The following COL4A6 variants were observed in gnomAD, a reference collection of about 807,000 sequenced individuals.
COL4A6 encodes the protein collagen type IV alpha 6 chain, also known as collagen alpha-6(IV) chain.
COL4A6 carries 59 observed loss-of-function variants against 126.7 expected under a neutral mutation model. The ratio of observed to expected loss-of-function variants is 0.47; its 90% confidence interval spans 0.38 to 0.58. The LOEUF is 0.58. Among genes scored for constraint, COL4A6 ranks in the 20% least tolerant of loss-of-function variants. The pLI, the probability that COL4A6 is intolerant of heterozygous loss-of-function variation, is 0.00. For synonymous variants in COL4A6, 547 were observed against 496.6 expected (o/e 1.10, Z -1.35); for missense variants, 1,285 against 1,337.3 (o/e 0.96, Z 0.61).
intron 7 of COL4A6, 36 bp downstream of exon 7, chrX:108,211,636 A>G: frequency 8.5e-7 from 1 of 1,178,193 alleles, no homozygotes; most frequent in Non-Finnish European, 1.2e-6. Context: ...AACCCAGCTT[A>G]TAGCCTACTC....
chrX:108,307,442 A>T (rs1161231187), intron 3 of COL4A6, among the ~76,000 whole-genome samples: 1 of 112,403 alleles, frequency 8.9e-6, no homozygotes, highest in African/African-American at 3.2e-5. Flanking sequence ...TTTACCAGGC[A>T]GGGCATACCT....
At chrX:108,183,360 G>A (rs901839450) in intron 23 of COL4A6, among the ~76,000 whole-genome samples, 2 of 112,126 alleles carry the variant, frequency 1.8e-5, no homozygotes, top group African/African-American at 6.5e-5. Context: ...GTTCAGACAT[G>A]TGTGGATCCT....
At chrX:108,178,990 C>T (rs1451098638) in intron 26 of COL4A6, 145 bp from the exon 27 acceptor site, 10 of 775,612 alleles carry the variant, frequency 1.3e-5, no homozygotes, top group African/African-American at 2.1e-5. Context: ...CCAGTCTTTG[C>T]AAGAAATTTG....
At chrX:108,406,786 C>T (rs1312929910) in intron 2 of COL4A6, among the ~76,000 whole-genome samples, 1 of 111,893 alleles carries the variant, frequency 8.9e-6, no homozygotes, top group Non-Finnish European at 1.9e-5. Flanking sequence ...TGCTTCACTG[C>T]TCTGTGCTTT....
intron 2 of COL4A6, among the ~76,000 whole-genome samples, chrX:108,343,412 T>A (rs112845524): frequency 9.1e-6 from 1 of 110,142 alleles, no homozygotes; most frequent in Non-Finnish European, 1.9e-5. Context: ...TATTTTTGGT[T>A]GGATGGAATG....
At chrX:108,375,788 T>A (rs766540376) in intron 2 of COL4A6, among the ~76,000 whole-genome samples, 3 of 109,447 alleles carry the variant, frequency 2.7e-5, no homozygotes, top group Admixed American at 9.8e-5. Context: ...AACAGATGAG[T>A]AACCTAATTT....
intron 2 of COL4A6, among the ~76,000 whole-genome samples, chrX:108,316,168 C>T (rs2038876585): frequency 8.9e-6 from 1 of 111,987 alleles, no homozygotes; most frequent in African/African-American, 3.2e-5. Flanking sequence ...GGCCAGTTAT[C>T]TTTGTGAGCA....
intron 3 of COL4A6, among the ~76,000 whole-genome samples, chrX:108,223,380 T>C (rs760854535): frequency 9.0e-6 from 1 of 111,661 alleles, no homozygotes; most frequent in East Asian, 2.8e-4. Flanking sequence ...GAAGTATAAT[T>C]TTTTTAAAAA....
At chrX:108,434,656 A>C (rs1218015869) in intron 2 of COL4A6, among the ~76,000 whole-genome samples, 3 of 110,101 alleles carry the variant, frequency 2.7e-5, no homozygotes, top group African/African-American at 9.9e-5. Flanking sequence ...AATTTCACCT[A>C]TAAATAATGT....
At chrX:108,175,540 T>G in intron 29 of COL4A6, 114 bp downstream of exon 29, 1 of 904,984 alleles carries the variant, frequency 1.1e-6, no homozygotes, top group East Asian at 3.2e-5. Flanking sequence ...AAGCCCAAAT[T>G]TTTATTATCT....
At chrX:108,277,343 C>T (rs1463274291) in intron 3 of COL4A6, among the ~76,000 whole-genome samples, 3 of 112,071 alleles carry the variant, frequency 2.7e-5, no homozygotes, top group African/African-American at 9.7e-5. Flanking sequence ...TTATATCCCG[C>T]ACATGGCTCA....
intron 8 of COL4A6, 54 bp downstream of exon 8, chrX:108,209,915 C>T: frequency 8.6e-7 from 1 of 1,168,721 alleles, no homozygotes; most frequent in Admixed American, 2.3e-5. Flanking sequence ...CGAAAATGCA[C>T]CATTAGTGAT....
chrX:108,335,128 G>T (rs772525514), intron 2 of COL4A6, among the ~76,000 whole-genome samples: 59 of 111,994 alleles, frequency 5.3e-4, no homozygotes, highest in African/African-American at 1.7e-3. Context: ...ATTCTTTCAG[G>T]CCTAGCTAAA....
intron 2 of COL4A6, chrX:108,383,924 TA>T: frequency 1.4e-6 from 1 of 724,358 alleles, no homozygotes; most frequent in Non-Finnish European, 2.0e-6. Context: ...AACCATGTGA[TA>T]AATCTATTCT....
intron 9 of COL4A6, 165 bp downstream of exon 9, chrX:108,206,353 T>C: frequency 1.7e-6 from 1 of 573,757 alleles, no homozygotes; most frequent in Non-Finnish European, 3.1e-6. Flanking sequence ...ATAACTCCAA[T>C]AGCTCCTCGC....
chrX:108,250,344 A>G (rs2036820952), intron 3 of COL4A6, among the ~76,000 whole-genome samples: 1 of 110,334 alleles, frequency 9.1e-6, no homozygotes, highest in African/African-American at 3.3e-5. Context: ...ACTTCCCTCC[A>G]CTACAAAGTG....
At chrX:108,280,674 G>C (rs928398534) in intron 3 of COL4A6, among the ~76,000 whole-genome samples, 1 of 111,095 alleles carries the variant, frequency 9.0e-6, no homozygotes, top group Admixed American at 9.5e-5. Flanking sequence ...TACCAAAGCC[G>C]GGCAGAGACA....
rs185308229 is a variant in COL4A6 at position 108,340,308 on chromosome X, T to C, written c.64-29480A>G. Among the ~76,000 whole-genome samples the C allele has an allele frequency of 3.4e-4, 38 of 111,665 alleles. No individual in the cohort carries two copies. In the East Asian group the frequency reaches 9.8e-3, roughly 29 times the overall value. Reference sequence around the variant, plus strand: ...CTGAGGAGCTGAAATTTAAATACTATTTTATTTTTAAATTTTAATTAATTA... The same window carrying C: ...CTGAGGAGCTGAAATTTAAATACTACTTTATTTTTAAATTTTAATTAATTA... On this transcript the variant is annotated intron_variant, in intron 2 of 44. Coordinates refer to ENST00000334504, the MANE Select transcript of COL4A6 (RefSeq NM_033641.4).
chrX:108,188,779 A>T, intron 20 of COL4A6, 102 bp from the exon 21 acceptor site: 1 of 817,744 alleles, frequency 1.2e-6, no homozygotes, highest in Non-Finnish European at 1.6e-6. Flanking sequence ...CCATAGAGGG[A>T]ATCTGAAGGC....
Sources: gnomAD v4.1 joint callset for allele counts (sites outside exome capture counted in the v4.1 genomes callset) on GRCh38, gnomAD v4.1.1 for gene constraint, MANE v1.5 for transcripts, NCBI Gene and HGNC (gene_info 2026-07-23, HGNC 2026-07-21) for gene names.